TPI1: variants seen among roughly 807,000 people sequenced by gnomAD.
TPI1 encodes triosephosphate isomerase.
In TPI1, 11 loss-of-function variants were observed where a neutral mutation model predicts 31.0. The ratio of observed to expected loss-of-function variants is 0.36; its 90% confidence interval spans 0.22 to 0.59. The LOEUF (loss-of-function observed/expected upper bound fraction) is 0.59. TPI1 is among the 20% of genes least tolerant of loss of function. The pLI, the probability that TPI1 is intolerant of heterozygous loss-of-function variation, is 0.79. For missense variants in TPI1, 245 were observed against 319.7 expected (o/e 0.77, Z 1.78); for synonymous variants, 121 against 122.8 (o/e 0.99, Z 0.10).
chr12:6,868,557 A>T (rs1184487014), intron 1 of TPI1: 2 of 1,300,526 alleles, frequency 1.5e-6, no homozygotes, highest in South Asian at 2.9e-5. Flanking sequence ...TCCCTGGAGA[A>T]TGCTGAGTCT....
In TPI1 at chr12:6,867,531, GCA is replaced by G. The variant is rs781858557; in HGVS notation, c.-35_-34del. 1.2e-6 allele frequency: 2 copies of G among 1,605,324 alleles called. No individual in the cohort carries two copies. Among genetic ancestry groups the G allele is most frequent in the East Asian group, 2.2e-5 (1 of 44,554 alleles). On this transcript the variant is annotated 5_prime_UTR_variant, in exon 1 of 7. Transcript: ENST00000396705. ...AAGTGGGCAGTGGCCGCGACTGCGC[GCA>G]GACACTGACCTTCAGCGCCTCGGCT...
chr12:6,868,191 C>T, intron 1 of TPI1: 2 of 1,288,048 alleles, frequency 1.6e-6, no homozygotes, highest in Non-Finnish European at 2.0e-6. Context: ...CTTCGGCAAC[C>T]TGAACGACTC....
Position 6,869,140 on chromosome 12 carries a change from T to C in TPI1, c.281T>C (p.Leu94Pro). Residue 94 changes from leucine (L) to proline (P), a missense_variant, in exon 3 of 7, where the codon CTG (leucine) becomes CCG (proline). Transcript: ENST00000396705. ...IKDCGATWVV[L>P]GHSERRHVFG... ...GACTGCGGAGCCACGTGGGTGGTCC[T>C]GGGGCACTCAGAGAGAAGGCATGTC... is the stretch of plus-strand genomic sequence containing the variant. 3.1e-6 allele frequency: 5 copies of C among 1,614,168 alleles called. No individual in the cohort carries two copies. The highest frequency in any genetic ancestry group is 4.2e-6 in the Non-Finnish European group (5 of 1,180,032).
rs1555132034 is a variant in TPI1 at position 6,868,880 on chromosome 12, C to G, written c.132C>G (p.Pro44=). 2 of 1,613,372 alleles carry G rather than the reference C, an allele frequency of 1.2e-6. No individual in the cohort carries two copies. Among genetic ancestry groups the G allele is most frequent in the Non-Finnish European group, 1.7e-6 (2 of 1,179,884 alleles). ...TGTCCTCAGAGGTGGTTTGTGCTCC[C>G]CCTACTGCCTATATCGACTTCGCCC... ...VPADTEVVCA[P]PTAYIDFARQ... is the part of the protein sequence containing the mutation. Residue 44 remains proline (P), a synonymous_variant, in exon 2 of 7, where the codon CCC becomes CCG. Coordinates refer to ENST00000396705, the MANE Select transcript of TPI1 (RefSeq NM_000365.6).
chr12:6,867,474 G>C, upstream of TPI1: 4 of 1,532,438 alleles, frequency 2.6e-6, no homozygotes, highest in Non-Finnish European at 3.5e-6. Context: ...GGACGGCGAG[G>C]AGGCGGAGTT....
chr12:6,869,236 C>T, intron 3 of TPI1, 22 bp from the exon 4 acceptor site: 2 of 1,614,126 alleles, frequency 1.2e-6, no homozygotes, highest in Non-Finnish European at 1.7e-6. Flanking sequence ...AAGGATGTCT[C>T]ACCAAGTCTG....
Position 6,868,921 on chromosome 12 carries a change from C to A in TPI1, c.173C>A (p.Pro58His), listed in dbSNP as rs1555132058. Residue 58 changes from proline to histidine, a missense_variant, in exon 2 of 7, where the codon CCC becomes CAC. This residue lies in a region of TPI1 where 95 missense variants were observed against 96.4 expected (regional missense o/e 0.99). Coordinates refer to ENST00000396705, the MANE Select transcript of TPI1 (RefSeq NM_000365.6). Reference protein sequence around the residue: ...YIDFARQKLDPKIAVAAQNCY... With the variant: ...YIDFARQKLDHKIAVAAQNCY... ...GACTTCGCCCGGCAGAAGCTAGATC[C>A]CAAGATTGCTGTGGCTGCGCAGAAC... 6.2e-7 allele frequency: 1 copy of A among 1,614,132 alleles called. No individual in the cohort carries two copies. The highest frequency in any genetic ancestry group is 1.1e-5 in the South Asian group (1 of 91,074).
chr12:6,868,037 G>C (rs1330561676), intron 1 of TPI1: 1 of 1,221,284 alleles, frequency 8.2e-7, no homozygotes, highest in African/African-American at 1.6e-5. Flanking sequence ...AGGCTGGGCC[G>C]CGTGGGCTTC....
rs782704781 is a variant in TPI1 at position 6,867,537 on chromosome 12, A to C, written c.-30A>C. The C allele has an allele frequency of 6.2e-7, 1 of 1,608,278 alleles. No individual in the cohort carries two copies. Among genetic ancestry groups the C allele is most frequent in the South Asian group, 1.1e-5 (1 of 90,468 alleles). ...GCAGTGGCCGCGACTGCGCGCAGAC[A>C]CTGACCTTCAGCGCCTCGGCTCCAG... On this transcript the variant is annotated 5_prime_UTR_variant, in exon 1 of 7. Transcript: ENST00000396705.
chr12:6,869,180 T>C lies in TPI1; in HGVS notation c.321T>C (p.Asp107=), dbSNP rs141972556. The C allele has an allele frequency of 3.9e-3, 6,240 of 1,613,728 alleles. 142 individuals carry two copies. In the South Asian group the frequency reaches 0.04, roughly 10 times the overall value. The change falls in exon 3 of 7, where the codon GAT becomes GAC. Residue 107 remains aspartate (D), a synonymous_variant. Transcript: ENST00000396705. ...SERRHVFGES[D]ELIGQKVAHA... is the part of the protein sequence containing the mutation. ...GAAGGCATGTCTTTGGGGAGTCAGA[T>C]GAGGTTAGTAGCCAAGAGAGAAGAT...
Position 6,870,340 on chromosome 12 carries a change from C to T in TPI1, c.707C>T (p.Ser236Phe), listed in dbSNP as rs1591618396. Residue 236 changes from serine to phenylalanine, a missense_variant, in exon 7 of 7, where the codon TCC becomes TTC. Physicochemically the swap from Ser to Phe is radical, Grantham distance 155 (BLOSUM62 -2). This residue lies in a region of TPI1 where 127 missense variants were observed against 163.7 expected (regional missense o/e 0.78). Transcript: ENST00000396705. ...GATGGCTTCCTTGTGGGTGGTGCTT[C>T]CCTCAAGCCCGAATTCGTGGACATC... ...DVDGFLVGGA[S>F]LKPEFVDIIN... 1.2e-6 allele frequency: 2 copies of T among 1,614,130 alleles called. No homozygotes were observed. The highest frequency in any genetic ancestry group is 1.7e-6 in the Non-Finnish European group (2 of 1,180,022).
chr12:6,869,877 T>C (rs1944548700), intron 5 of TPI1, 104 bp downstream of exon 5: 1 of 1,458,956 alleles, frequency 6.9e-7, no homozygotes, highest in Non-Finnish European at 9.6e-7. Context: ...CACAGAGACC[T>C]TGAACCCAGA....
chr12:6,869,557 G>GTAGA, intron 4 of TPI1, 131 bp from the exon 5 acceptor site: 1 of 1,460,170 alleles, frequency 6.8e-7, no homozygotes, highest in Non-Finnish European at 9.6e-7. Flanking sequence ...CAGCCCCAAG[G>GTAGA]TAGATGCCAC....
chr12:6,870,004 TAG>T, intron 5 of TPI1, 43 bp from the exon 6 acceptor site: 1 of 1,603,532 alleles, frequency 6.2e-7, no homozygotes, highest in Non-Finnish European at 8.5e-7. Context: ...TTTTTCCTCT[TAG>T]AGAGGCAGAA....
In TPI1 at chr12:6,870,323, C is replaced by T. The variant is rs782267337; in HGVS notation, c.690C>T (p.Phe230=). 6 of 1,614,066 alleles carry T rather than the reference C, an allele frequency of 3.7e-6. No homozygotes were observed. In the African/African-American group the frequency reaches 8.0e-5, roughly 22 times the overall value. ...CCAGCCAGCCTGATGTGGATGGCTT[C>T]CTTGTGGGTGGTGCTTCCCTCAAGC... The part of the protein sequence containing the change: ...ELASQPDVDG[F]LVGGASLKPE... The change falls in exon 7 of 7, where the codon TTC becomes TTT. Residue 230 remains phenylalanine, a synonymous_variant. Coordinates refer to ENST00000396705, the MANE Select transcript of TPI1 (RefSeq NM_000365.6).
chr12:6,868,644 C>A, intron 1 of TPI1: 2 of 1,338,006 alleles, frequency 1.5e-6, no homozygotes, highest in Non-Finnish European at 2.0e-6. Context: ...AGGGTGAGGG[C>A]CGTGGCCTCT....
Position 6,868,880 on chromosome 12 carries a change from C to A in TPI1, c.132C>A (p.Pro44=). 6.2e-7 allele frequency: 1 copy of A among 1,613,490 alleles called. No homozygotes were observed. Among genetic ancestry groups the A allele is most frequent in the Non-Finnish European group, 8.5e-7 (1 of 1,179,876 alleles). Residue 44 remains proline, a synonymous_variant, in exon 2 of 7, where the codon CCC becomes CCA. Coordinates refer to ENST00000396705, the MANE Select transcript of TPI1 (RefSeq NM_000365.6). ...VPADTEVVCA[P]PTAYIDFARQ... ...TGTCCTCAGAGGTGGTTTGTGCTCC[C>A]CCTACTGCCTATATCGACTTCGCCC... is the stretch of plus-strand genomic sequence containing the variant.
At position 6,870,474 on chromosome 12, in the gene TPI1, A is replaced by G. The variant is rs1944563131; in HGVS notation, c.*91A>G. 5.2e-6 allele frequency: 5 copies of G among 967,818 alleles called. No individual in the cohort carries two copies. Among genetic ancestry groups the G allele is most frequent in the Non-Finnish European group, 6.8e-6 (4 of 591,132 alleles). The allele number at this position is 967,818 out of a possible 1,614,324, so 60.0% of individuals were successfully genotyped here. On this transcript the variant is annotated 3_prime_UTR_variant, in exon 7 of 7. Transcript: ENST00000396705. ...TGCCCTTTCCCTGCATATGCTTCTG[A>G]TGGTGTCATCTGCTCCTTCCTGTGG... is the stretch of plus-strand genomic sequence containing the variant.
intron 5 of TPI1, 94 bp from the exon 6 acceptor site, chr12:6,869,955 C>T (rs1426893879): frequency 6.2e-6 from 9 of 1,461,184 alleles, no homozygotes; most frequent in African/African-American, 1.4e-5. Flanking sequence ...TACTCTGACT[C>T]AGTCAGAAAC....
Sources: gnomAD v4.1 joint callset for allele counts on GRCh38, gnomAD v4.1.1 for gene constraint, gnomAD v4.1.1 regional missense constraint, MANE v1.5 for transcripts, NCBI Gene and HGNC (gene_info 2026-07-23, HGNC 2026-07-21) for gene names.